Variants in PTPRA observed in about 807,000 individuals in gnomAD.
The protein encoded by PTPRA is receptor-type tyrosine-protein phosphatase alpha.
In PTPRA, 25 loss-of-function variants were observed where a neutral mutation model predicts 104.8. The ratio of observed to expected loss-of-function variants is 0.24; its 90% CI spans 0.17 to 0.33. The LOEUF (loss-of-function observed/expected upper bound fraction) is 0.33, where lower values mean the gene tolerates loss of function less well. Ranked by LOEUF, PTPRA falls within the 10% of genes least tolerant of loss-of-function variation. The pLI, the probability that PTPRA is intolerant of heterozygous loss-of-function variation, is 1.00. For missense variants in PTPRA, 765 were observed against 1,015.3 expected (o/e 0.75, Z 3.35); for synonymous variants, 323 against 368.9 (o/e 0.88, Z 1.43).
At chr20:2,905,429 A>C (rs1430898034) in intron 1 of PTPRA, among the ~76,000 whole-genome samples, 1 of 152,160 alleles carries the variant, frequency 6.6e-6, no homozygotes, top group Non-Finnish European at 1.5e-5. Context: ...TCACTAGTTG[A>C]ATTTTACACT....
In PTPRA at chr20:3,022,119, AG is replaced by A; in HGVS notation, c.1228del (p.Asp410ThrfsTer18). On this transcript the variant is annotated frameshift_variant, in exon 15 of 24. Coordinates refer to ENST00000399903, the MANE Select transcript of PTPRA (RefSeq NM_001385305.1). LOFTEE classifies it high-confidence loss of function. The surrounding 1 kb of genome is among the most constrained non-coding windows in gnomAD (Gnocchi z 4.6). ...CTCAGTTCCACTTTACCAGCTGGCC[AG>A]ACTTTGGGGTGCCTTTTACCCCGAT... The part of the protein sequence containing the change: ...ITQFHFTSWP[D>X]FGVPFTPIGM... 6.2e-7 allele frequency: 1 copy of A among 1,614,228 alleles called. No individual in the cohort carries two copies. Among genetic ancestry groups the A allele is most frequent in the Non-Finnish European group, 8.5e-7 (1 of 1,180,026 alleles).
intron 9 of PTPRA, among the ~76,000 whole-genome samples, chr20:2,996,536 T>C (rs1364976919): frequency 6.6e-6 from 1 of 152,208 alleles, no homozygotes; most frequent in Non-Finnish European, 1.5e-5. Context: ...TATATTAAAA[T>C]GTGAAACATC....
chr20:3,004,296 G>A (rs1223452090), intron 9 of PTPRA, among the ~76,000 whole-genome samples: 1 of 152,228 alleles, frequency 6.6e-6, no homozygotes, highest in African/African-American at 2.4e-5. Context: ...GGGATTACAG[G>A]CGTGAGCCAC....
rs1555801938 is a variant in PTPRA, at chr20:2,910,594, T to TTG, written c.-128-12612_-128-12611insGT. Among the ~76,000 whole-genome samples, 20 of 127,172 alleles carry TTG rather than the reference T, an allele frequency of 1.6e-4. 2 individuals carry two copies. Among genetic ancestry groups the TTG allele is most frequent in the African/African-American group, 5.5e-4 (17 of 30,802 alleles). The allele number at this position is 127,172 out of a possible 152,430, so 83.4% of individuals were successfully genotyped here. A position where few individuals can be genotyped will look rare whatever the true frequency, so the allele number is the denominator to read the frequency against. ...GCCCAGCTAGTTTTTTTTTTGTTTTTTTTTTGTTTTTTTTAATTTTTTTTT... is the reference window on the plus strand; with the variant it reads ...GCCCAGCTAGTTTTTTTTTTGTTTTTTGTTTTTGTTTTTTTTAATTTTTTTTT... On this transcript the variant is annotated intron_variant, in intron 1 of 23. Coordinates refer to ENST00000399903, the MANE Select transcript of PTPRA (RefSeq NM_001385305.1).
At chr20:3,024,815 G>C (rs1451254133) in intron 17 of PTPRA, among the ~76,000 whole-genome samples, 194 bp downstream of exon 17, 1 of 152,168 alleles carries the variant, frequency 6.6e-6, no homozygotes, top group Non-Finnish European at 1.5e-5. Context: ...GGTTGTGTTA[G>C]AGTAGGGAGA....
Position 3,000,990 on chromosome 20 carries a change from A to G in PTPRA, c.739-4066A>G, listed in dbSNP as rs141900350. ...CTTTTTAAAAAATAAATATCAACAA[A>G]TGTGAAAAAAAAATTTTTTTTTAAC... On this transcript the variant is annotated intron_variant, in intron 9 of 23. Coordinates refer to ENST00000399903, the MANE Select transcript of PTPRA (RefSeq NM_001385305.1). 4.9e-3 allele frequency among the ~76,000 whole-genome samples: 749 copies of G among 152,340 alleles called. 5 individuals are homozygous for G. The highest frequency in any genetic ancestry group is 0.017 in the African/African-American group (719 of 41,586).
intron 1 of PTPRA, among the ~76,000 whole-genome samples, chr20:2,910,578 G>GTTTCTTTTTTTTTTTTTTTTT (rs1337126801): frequency 7.4e-4 from 24 of 32,422 alleles, no homozygotes; most frequent in East Asian, 5.4e-3. Flanking sequence ...TGCCCAGCTA[G>GTTTCTTTTTTTTTTTTTTTTT]TTTTTTTTTT....
At chr20:2,973,551 C>G (rs1051366921) in intron 5 of PTPRA, among the ~76,000 whole-genome samples, 1 of 152,168 alleles carries the variant, frequency 6.6e-6, no homozygotes, top group Non-Finnish European at 1.5e-5. Context: ...GGACCAAATT[C>G]CTTTCCTCTT....
At chr20:2,969,066 G>A (rs1290580563) in intron 5 of PTPRA, among the ~76,000 whole-genome samples, 1 of 152,028 alleles carries the variant, frequency 6.6e-6, no homozygotes, top group Non-Finnish European at 1.5e-5. Flanking sequence ...AAAAAAATTA[G>A]TCAAACGTGT....
intron 1 of PTPRA, among the ~76,000 whole-genome samples, chr20:2,911,704 A>G (rs1222504206): frequency 6.6e-6 from 1 of 152,206 alleles, no homozygotes; most frequent in East Asian, 1.9e-4. Context: ...AATAAAAGTA[A>G]AATATAAATA....
At chr20:3,006,850 G>A (rs982348460) in intron 10 of PTPRA, among the ~76,000 whole-genome samples, 2 of 151,952 alleles carry the variant, frequency 1.3e-5, no homozygotes, top group Non-Finnish European at 1.5e-5. Context: ...AGGCTGGTCT[G>A]GAACTCCTGA....
At chr20:2,976,464 C>A (rs1195310815) in intron 6 of PTPRA, among the ~76,000 whole-genome samples, 1 of 152,120 alleles carries the variant, frequency 6.6e-6, no homozygotes, top group African/African-American at 2.4e-5. Context: ...ATTTTACCTA[C>A]CCAATATTTA....
intron 5 of PTPRA, among the ~76,000 whole-genome samples, chr20:2,969,581 GCGGCGGC>G (rs1568674961): frequency 8.4e-5 from 12 of 143,266 alleles, no homozygotes; most frequent in Admixed American, 2.1e-4. Flanking sequence ...TAGGCCGGGC[GCGGCGGC>G]TCATGCCTGT....
At chr20:2,888,286 G>A (rs1352104670) in intron 1 of PTPRA, among the ~76,000 whole-genome samples, 1 of 152,172 alleles carries the variant, frequency 6.6e-6, no homozygotes, top group Non-Finnish European at 1.5e-5. Context: ...CAGGCTAGGT[G>A]TGGTGGCTCA....
Position 2,875,699 on chromosome 20 carries a change from T to C in PTPRA, c.-129+1939T>C, listed in dbSNP as rs1465361106. ...TTTTCCATGAATTCCCTCAGTCTTT[T>C]CAACAGTCATAAAAGGGCTTATTCC... On this transcript the variant is annotated intron_variant, in intron 1 of 23. Transcript: ENST00000399903. Among the ~76,000 whole-genome samples, 10 of 152,208 alleles carry C rather than the reference T, an allele frequency of 6.6e-5. No individual in the cohort carries two copies. In the East Asian group the frequency reaches 1.7e-3, roughly 26 times the overall value.
chr20:2,943,536 C>CA (rs965452733), intron 2 of PTPRA, among the ~76,000 whole-genome samples: 7 of 151,884 alleles, frequency 4.6e-5, no homozygotes, highest in African/African-American at 1.7e-4. Context: ...AAATCTCATC[C>CA]AAAAAAACCC....
intron 9 of PTPRA, among the ~76,000 whole-genome samples, chr20:2,995,070 C>T (rs2063345316): frequency 6.6e-6 from 1 of 152,184 alleles, no homozygotes; most frequent in Admixed American, 6.5e-5. Context: ...GCAGAGGTTG[C>T]AGTGAGCCAA....
At chr20:2,965,230 T>C (rs753448600) in intron 5 of PTPRA, 28 bp downstream of exon 5, 1 of 1,543,998 alleles carries the variant, frequency 6.5e-7, no homozygotes, top group East Asian at 2.3e-5. Context: ...GTTTGTTCTT[T>C]TGCTCTTTGA....
intron 6 of PTPRA, among the ~76,000 whole-genome samples, chr20:2,979,312 C>T (rs2062573020): frequency 6.6e-6 from 1 of 152,160 alleles, no homozygotes; most frequent in African/African-American, 2.4e-5. Context: ...CAGGAACTTT[C>T]TTGTATTACT....
Sources: allele counts gnomAD v4.1 joint callset (sites outside exome capture counted in the v4.1 genomes callset), GRCh38; gene constraint gnomAD v4.1.1; non-coding constraint Gnocchi (gnomAD v3.1); transcripts MANE v1.5; gene names NCBI Gene and HGNC (gene_info 2026-07-23, HGNC 2026-07-21).